LIPI: variants seen among roughly 807,000 people sequenced by gnomAD.
LIPI encodes lipase I.
Under a neutral mutation model 50.6 loss-of-function variants are expected in LIPI, and 59 were observed. The ratio of observed to expected loss-of-function variants is 1.16; its 90% CI spans 0.94 to 1.45. The LOEUF (loss-of-function observed/expected upper bound fraction) is 1.45. LIPI is among the 40% of genes most tolerant of loss of function. LIPI has a pLI of 0.00. For synonymous variants in LIPI, 203 were observed against 178.2 expected (o/e 1.14, Z -1.11); for missense variants, 586 against 536.3 (o/e 1.09, Z -0.92).
At chr21:14,153,158 G>A (rs1474959639) in intron 7 of LIPI, among the ~76,000 whole-genome samples, 3 of 152,110 alleles carry the variant, frequency 2.0e-5, no homozygotes, top group African/African-American at 4.8e-5. Context: ...ATAAGGTAAG[G>A]TCATAGCAGT....
At chr21:14,159,620 G>C (rs1187176179) in intron 7 of LIPI, among the ~76,000 whole-genome samples, 1 of 150,998 alleles carries the variant, frequency 6.6e-6, no homozygotes, top group African/African-American at 2.4e-5. Context: ...ATTCAAAATA[G>C]CACTGGAAGT....
rs547419613 is a variant in LIPI, at chr21:14,148,884, C to T, written c.1118+3689G>A. 2.1e-4 allele frequency among the ~76,000 whole-genome samples: 32 copies of T among 152,338 alleles called. No homozygotes were observed. In the South Asian group the frequency reaches 6.6e-3, roughly 32 times the overall value. Reference sequence around the variant, plus strand: ...TCCTGTATTTTATATTCCTTCACAACAGTGCACTAACTAATCCAAGTAGCT... The same window carrying T: ...TCCTGTATTTTATATTCCTTCACAATAGTGCACTAACTAATCCAAGTAGCT... On this transcript the variant is annotated intron_variant, in intron 8 of 9. Coordinates refer to ENST00000681601, the MANE Select transcript of LIPI (RefSeq NM_001302998.2).
chr21:14,163,576 A>G, intron 6 of LIPI, 53 bp from the exon 7 acceptor site: 1 of 869,624 alleles, frequency 1.1e-6, no homozygotes, highest in Middle Eastern at 2.2e-4. Context: ...AAATAACAAA[A>G]ATGTCAAATC....
intron 7 of LIPI, among the ~76,000 whole-genome samples, chr21:14,159,665 A>G (rs1197185855): frequency 6.6e-6 from 1 of 151,414 alleles, no homozygotes; most frequent in Non-Finnish European, 1.5e-5. Flanking sequence ...TAAAAAAATT[A>G]AATGCACACA....
At chr21:14,206,200 C>A (rs568434301) in intron 1 of LIPI, among the ~76,000 whole-genome samples, 3 of 152,172 alleles carry the variant, frequency 2.0e-5, no homozygotes, top group South Asian at 2.1e-4. Context: ...AGGCATAGTG[C>A]CCTGGACGTG....
chr21:14,172,917 G>A (rs1249357665), intron 4 of LIPI, among the ~76,000 whole-genome samples: 1 of 152,130 alleles, frequency 6.6e-6, no homozygotes, highest in Non-Finnish European at 1.5e-5. Context: ...ATTCCTTGCA[G>A]TCGAAAATAC....
intron 6 of LIPI, 69 bp downstream of exon 6, chr21:14,165,154 C>T: frequency 8.1e-7 from 1 of 1,231,480 alleles, no homozygotes; most frequent in Non-Finnish European, 1.2e-6. Flanking sequence ...TAGCTTCCAG[C>T]AGAAAATACT....
At chr21:14,193,431 AC>A (rs563460558) in intron 1 of LIPI, among the ~76,000 whole-genome samples, 1 of 151,892 alleles carries the variant, frequency 6.6e-6, no homozygotes, top group Non-Finnish European at 1.5e-5. Context: ...AGACTAAACA[AC>A]CCCCCCAACT....
At chr21:14,109,113 AT>A (rs754917261) in intron 9 of LIPI, 33 bp from the exon 10 acceptor site, 1 of 1,531,368 alleles carries the variant, frequency 6.5e-7, no homozygotes, top group Admixed American at 1.7e-5. Flanking sequence ...GAACAAAAAA[AT>A]AACTATTAGT....
intron 9 of LIPI, among the ~76,000 whole-genome samples, chr21:14,140,313 C>T (rs1410895514): frequency 6.6e-6 from 1 of 152,108 alleles, no homozygotes; most frequent in Non-Finnish European, 1.5e-5. Flanking sequence ...ATGATGAACC[C>T]AGGTTTCTTG....
Position 14,189,139 on chromosome 21 carries a change from A to AATT in LIPI, c.324_326dup (p.Ile109dup). 6.2e-7 allele frequency: 1 copy of AATT among 1,614,074 alleles called. No individual in the cohort carries two copies. Among genetic ancestry groups the AATT allele is most frequent in the Admixed American group, 1.7e-5 (1 of 60,020 alleles). ...TAGCACCCCGGCTCCAGTCTACTACAATTACATTCATATCTTCTTCATTCA... is the reference window on the plus strand; with the variant it reads ...TAGCACCCCGGCTCCAGTCTACTACAATTATTACATTCATATCTTCTTCATTCA... On this transcript the variant is annotated inframe_insertion, in exon 2 of 10. Coordinates refer to ENST00000681601, the MANE Select transcript of LIPI (RefSeq NM_001302998.2).
chr21:14,181,544 G>C (rs757667079), intron 4 of LIPI, among the ~76,000 whole-genome samples: 35 of 152,064 alleles, frequency 2.3e-4, no homozygotes, highest in Admixed American at 9.8e-4. Flanking sequence ...CTTGAAACCC[G>C]AAGGAGGCAA....
intron 9 of LIPI, among the ~76,000 whole-genome samples, chr21:14,129,201 A>T (rs2822426): frequency 2.0e-5 from 3 of 151,800 alleles, no homozygotes; most frequent in Non-Finnish European, 4.4e-5. Context: ...CAATCAGGGA[A>T]GGGAAGAAAA....
chr21:14,184,842 A>G (rs2019398674), intron 3 of LIPI, among the ~76,000 whole-genome samples: 1 of 152,198 alleles, frequency 6.6e-6, no homozygotes, highest in Non-Finnish European at 1.5e-5. Flanking sequence ...TCCTACATTC[A>G]TTCAGTTAAT....
chr21:14,116,391 C>A (rs541643572), intron 9 of LIPI, among the ~76,000 whole-genome samples: 1 of 152,200 alleles, frequency 6.6e-6, no homozygotes, highest in South Asian at 2.1e-4. Context: ...GGCCAAGCAG[C>A]ACCCAAACCT....
chr21:14,198,602 C>T (rs186562921), intron 1 of LIPI, among the ~76,000 whole-genome samples: 25 of 152,140 alleles, frequency 1.6e-4, no homozygotes, highest in Non-Finnish European at 7.4e-5. Context: ...CACAGGAGCA[C>T]CCAGATTTGT....
intron 4 of LIPI, among the ~76,000 whole-genome samples, chr21:14,175,202 G>T (rs2019052719): frequency 6.6e-6 from 1 of 151,948 alleles, no homozygotes; most frequent in African/African-American, 2.4e-5. Flanking sequence ...ATACCTAGGA[G>T]TGGAATTGTT....
chr21:14,143,446 G>T (rs2017786383), intron 9 of LIPI: 1 of 151,906 alleles, frequency 6.6e-6, no homozygotes, highest in Non-Finnish European at 1.5e-5. Flanking sequence ...CTCTTCTGTT[G>T]ATATAGACCC....
intron 7 of LIPI, among the ~76,000 whole-genome samples, chr21:14,153,899 GA>G (rs1331779001): frequency 6.6e-6 from 1 of 152,036 alleles, no homozygotes; most frequent in Admixed American, 6.6e-5. Context: ...TAAAACTCCA[GA>G]AAACATGAAA....
Sources: allele counts gnomAD v4.1 joint callset (sites outside exome capture counted in the v4.1 genomes callset), GRCh38; gene constraint gnomAD v4.1.1; transcripts MANE v1.5; gene names NCBI Gene and HGNC (gene_info 2026-07-23, HGNC 2026-07-21).